The following SPECC1 variants were observed in gnomAD, a reference collection of about 807,000 sequenced individuals.
SPECC1 encodes the protein cytospin-B.
In SPECC1, 62 loss-of-function variants were observed where a neutral mutation model predicts 104.1. The ratio of observed to expected loss-of-function variants is 0.60; its 90% CI spans 0.49 to 0.74. SPECC1 has a LOEUF of 0.74. Among genes scored for constraint, SPECC1 ranks in the 30% least tolerant of loss-of-function variants. The probability of loss-of-function intolerance (pLI) is 0.00; values close to 1 mark genes in which losing one functional copy is unlikely to be tolerated. For missense variants in SPECC1, 1,306 were observed against 1,310.5 expected, an observed-to-expected ratio of 1.00 and a Z score of 0.05; for synonymous variants, 513 against 501.6, an observed-to-expected ratio of 1.02 and a Z score of -0.30.
intron 13 of SPECC1, among the ~76,000 whole-genome samples, chr17:20,305,155 G>A (rs559468366): frequency 1.6e-4 from 24 of 152,170 alleles, no homozygotes; most frequent in African/African-American, 5.5e-4. Flanking sequence ...GCTGGCTTCT[G>A]TGATGCCGCT....
rs1381179693 is a variant in SPECC1, at chr17:20,318,772, C to T, written c.*4707C>T. The stretch of plus-strand genomic sequence containing the variant: ...TCAATTCACGGGGCATTTCACTCCT[C>T]TGATCCAGGTTAGAATTTTGCTAAA... On this transcript the variant is annotated 3_prime_UTR_variant, in exon 15 of 15. Coordinates refer to ENST00000395527, the MANE Select transcript of SPECC1 (RefSeq NM_001243439.2). 4.6e-6 allele frequency: 1 copy of T among 216,764 alleles called. No homozygotes were observed. The highest frequency in any genetic ancestry group is 9.3e-6 in the Non-Finnish European group (1 of 107,744). 13.4% of individuals were successfully genotyped at this position (216,764 alleles called of 1,614,324 possible).
At chr17:20,127,236 T>C (rs1286406560) in intron 3 of SPECC1, among the ~76,000 whole-genome samples, 1 of 152,206 alleles carries the variant, frequency 6.6e-6, no homozygotes, top group Non-Finnish European at 1.5e-5. Context: ...AAATCTCCCA[T>C]TTCTACCAGT....
chr17:20,026,291 T>C (rs1473358134), intron 1 of SPECC1, among the ~76,000 whole-genome samples: 1 of 152,124 alleles, frequency 6.6e-6, no homozygotes, highest in Non-Finnish European at 1.5e-5. Context: ...GTAATTAGGA[T>C]ATCCATCATC....
In SPECC1 at chr17:20,317,116, A is replaced by G. The variant is rs1206858450; in HGVS notation, c.*3051A>G. The G allele has an allele frequency of 1.1e-5, 2 of 185,100 alleles. No individual in the cohort carries two copies. Among genetic ancestry groups the G allele is most frequent in the Non-Finnish European group, 1.1e-5 (1 of 88,070 alleles). The allele number at this position is 185,100 out of a possible 1,614,324, so 11.5% of individuals were successfully genotyped here. A position where few individuals can be genotyped will look rare whatever the true frequency, so the allele number is the denominator to read the frequency against. ...AGAAGAGGAATGCCATGTCCTGTCC[A>G]TAGAAATACACATGGTGGTCAGGCA... On this transcript the variant is annotated 3_prime_UTR_variant, in exon 15 of 15. Transcript: ENST00000395527.
At position 20,316,885 on chromosome 17, in the gene SPECC1, G is replaced by A. The variant is rs34783305; in HGVS notation, c.*2820G>A. The A allele has an allele frequency of 0.011, 2,413 of 212,450 alleles. 20 individuals carry two copies. Among genetic ancestry groups the A allele is most frequent in the Non-Finnish European group, 0.018 (1,903 of 104,784 alleles). The allele number at this position is 212,450 out of a possible 1,614,324, so 13.2% of individuals were successfully genotyped here. A position where few individuals can be genotyped will look rare whatever the true frequency, so the allele number is the denominator to read the frequency against. On this transcript the variant is annotated 3_prime_UTR_variant, in exon 15 of 15. Coordinates refer to ENST00000395527, the MANE Select transcript of SPECC1 (RefSeq NM_001243439.2). ...GGCGTTGCGGTGTCCCTCCCTCCCC[G>A]CTGGGGCCATACCAGCCCCTCTCCA...
Position 20,093,692 on chromosome 17 carries a change from A to C in SPECC1, c.-21-2939A>C, listed in dbSNP as rs576950882. Among the ~76,000 whole-genome samples the C allele has an allele frequency of 1.2e-4, 18 of 150,790 alleles. No individual in the cohort carries two copies. In the South Asian group the frequency reaches 3.7e-3, roughly 31 times the overall value. ...TTCCTGCAAGTGGACGGAGGGCACC[A>C]TATTGTGGGTTTTTTGTTTTTGTTT... On this transcript the variant is annotated intron_variant, in intron 1 of 14. Transcript: ENST00000395527.
rs544117245 is a variant in SPECC1, at chr17:20,145,271, G to C, written c.283+34709G>C. Among the ~76,000 whole-genome samples, 17 of 152,292 alleles carry C rather than the reference G, an allele frequency of 1.1e-4. No homozygotes were observed. The South Asian group carries it at 3.5e-3, about 32-fold the overall frequency. On this transcript the variant is annotated intron_variant, in intron 3 of 14. Coordinates refer to ENST00000395527, the MANE Select transcript of SPECC1 (RefSeq NM_001243439.2). ...TAATCTCCCTGAACCTCGGTCTCTT[G>C]CTTGTAAGTAGAGAAAAAGAATGGC...
At chr17:20,146,951 G>A (rs573837712) in intron 3 of SPECC1, among the ~76,000 whole-genome samples, 1 of 152,134 alleles carries the variant, frequency 6.6e-6, no homozygotes, top group African/African-American at 2.4e-5. Flanking sequence ...TTTCAAAATG[G>A]TTGTACCATT....
chr17:20,288,157 G>A (rs904719395), intron 12 of SPECC1, among the ~76,000 whole-genome samples: 2 of 152,142 alleles, frequency 1.3e-5, no homozygotes, highest in African/African-American at 2.4e-5. Flanking sequence ...ATAGTATGGT[G>A]TATATGTACC....
chr17:20,101,561 G>A (rs1252520712), intron 2 of SPECC1, among the ~76,000 whole-genome samples: 2 of 152,206 alleles, frequency 1.3e-5, no homozygotes, highest in Non-Finnish European at 2.9e-5. Context: ...TGGACACTCA[G>A]GGAGGGTGCA....
intron 12 of SPECC1, among the ~76,000 whole-genome samples, chr17:20,267,711 A>AG (rs1314773683): frequency 6.6e-6 from 1 of 152,162 alleles, no homozygotes; most frequent in Non-Finnish European, 1.5e-5. Flanking sequence ...CTAGCACTAA[A>AG]GCATTAGTGC....
intron 1 of SPECC1, among the ~76,000 whole-genome samples, chr17:20,034,625 G>A (rs1408817946): frequency 7.5e-6 from 1 of 133,906 alleles, no homozygotes; most frequent in Non-Finnish European, 1.6e-5. Context: ...TTTTTTTTGA[G>A]TTGGAGTTTT....
At chr17:20,132,727 AT>A (rs903564318) in intron 3 of SPECC1, among the ~76,000 whole-genome samples, 151 of 150,020 alleles carry the variant, frequency 1.0e-3, no homozygotes, top group African/African-American at 3.6e-3. Context: ...TTATTTATTT[AT>A]TTATTTATTT....
intron 13 of SPECC1, among the ~76,000 whole-genome samples, chr17:20,304,945 C>A (rs1237850551): frequency 6.6e-6 from 1 of 152,000 alleles, no homozygotes; most frequent in Non-Finnish European, 1.5e-5. Context: ...CAAAGCCCCC[C>A]TCCCAGTAAG....
At chr17:20,062,579 A>G (rs2046224390) in intron 1 of SPECC1, among the ~76,000 whole-genome samples, 1 of 152,142 alleles carries the variant, frequency 6.6e-6, no homozygotes, top group South Asian at 2.1e-4. Context: ...TGCCCAGGCT[A>G]GTTTCAAACT....
At chr17:20,226,856 TATCTTA>T (rs2038242411) in intron 4 of SPECC1, among the ~76,000 whole-genome samples, 1 of 152,134 alleles carries the variant, frequency 6.6e-6, no homozygotes, top group Non-Finnish European at 1.5e-5. Flanking sequence ...CAGCCCCAAG[TATCTTA>T]TCTCTAAGGG....
intron 3 of SPECC1, among the ~76,000 whole-genome samples, chr17:20,187,300 T>C (rs2035347471): frequency 6.6e-6 from 1 of 152,180 alleles, no homozygotes. Flanking sequence ...CCCCGTCTTC[T>C]CCCAGGAATT....
chr17:20,187,325 C>A (rs1037345929), intron 3 of SPECC1, among the ~76,000 whole-genome samples: 1 of 152,162 alleles, frequency 6.6e-6, no homozygotes, highest in East Asian at 1.9e-4. Flanking sequence ...TTAGCTAATT[C>A]CCACTTTAAA....
At chr17:20,085,474 T>C (rs1000465475) in intron 1 of SPECC1, among the ~76,000 whole-genome samples, 21 of 152,200 alleles carry the variant, frequency 1.4e-4, no homozygotes, top group African/African-American at 5.1e-4. Context: ...GAACGTGTAA[T>C]GACAAGGTAA....
Sources: allele counts gnomAD v4.1 joint callset (sites outside exome capture counted in the v4.1 genomes callset), GRCh38; gene constraint gnomAD v4.1.1; transcripts MANE v1.5; gene names NCBI Gene and HGNC (gene_info 2026-07-23, HGNC 2026-07-21).